The following STX3 variants were observed in gnomAD, a reference collection of about 807,000 sequenced individuals.
STX3 encodes the protein syntaxin-3.
Under a neutral mutation model 40.2 loss-of-function variants are expected in STX3, and 19 were observed. The observed-to-expected ratio is 0.47, with a 90% CI of 0.33 to 0.69. STX3 has a LOEUF of 0.69. Ranked by LOEUF, STX3 falls within the 30% of genes least tolerant of loss-of-function variation. STX3 has a pLI of 0.02. For missense variants in STX3, 364 were observed against 366.7 expected (o/e 0.99, Z 0.06); for synonymous variants, 122 against 132.2 (o/e 0.92, Z 0.53).
At chr11:59,756,152 C>G (rs944168691) in intron 1 of STX3, among the ~76,000 whole-genome samples, 1 of 151,892 alleles carries the variant, frequency 6.6e-6, no homozygotes, top group Non-Finnish European at 1.5e-5. Context: ...TTGTTATCCC[C>G]GGGTGTCATT....
chr11:59,793,384 T>C lies in STX3; in HGVS notation c.545T>C (p.Ile182Thr). 1 of 1,613,718 alleles carries C rather than the reference T, an allele frequency of 6.2e-7. No individual in the cohort carries two copies. The highest frequency in any genetic ancestry group is 1.1e-5 in the South Asian group (1 of 91,020). ...GNPAIFTSGIIDSQISKQALS... is the reference protein window; with the variant it reads ...GNPAIFTSGITDSQISKQALS... The stretch of plus-strand genomic sequence containing the variant: ...TCTGTGTGTGGCCTGTTGTAGATCA[T>C]TGACTCACAGATTTCCAAGCAAGCC... The change falls in exon 8 of 11, where the codon ATT becomes ACT. Residue 182 changes from isoleucine (I) to threonine (T), a missense_variant. Physicochemically the swap from Ile to Thr is moderately conservative, Grantham distance 89. Transcript: ENST00000337979.
Position 59,787,094 on chromosome 11 carries a change from A to G in STX3, c.172A>G (p.Lys58Glu), listed in dbSNP as rs1016318095. Residue 58 changes from lysine (K) to glutamate (E), a missense_variant, in exon 3 of 11, where the codon AAA (lysine) becomes GAA (glutamate). Transcript: ENST00000337979. The part of the protein sequence containing the change: ...KISEHVEEAK[K>E]LYSIILSAPI... Reference sequence around the variant, plus strand: ...CTCAGAACATGTAGAGGAGGCTAAGAAACTCTACAGTATCATTCTCTCTGC... The same window carrying G: ...CTCAGAACATGTAGAGGAGGCTAAGGAACTCTACAGTATCATTCTCTCTGC... 1.2e-6 allele frequency: 2 copies of G among 1,614,214 alleles called. No homozygotes were observed. Among genetic ancestry groups the G allele is most frequent in the Non-Finnish European group, 1.7e-6 (2 of 1,180,036 alleles).
At chr11:59,756,164 T>TC (rs991749334) in intron 1 of STX3, among the ~76,000 whole-genome samples, 2 of 148,528 alleles carry the variant, frequency 1.3e-5, no homozygotes, top group Non-Finnish European at 3.0e-5. Context: ...GGTGTCATTG[T>TC]CCCCCCCTCC....
intron 1 of STX3, among the ~76,000 whole-genome samples, chr11:59,771,195 C>T (rs1300183795): frequency 2.4e-5 from 3 of 125,566 alleles, no homozygotes; most frequent in Admixed American, 8.0e-5. Context: ...GAAGCTGAGG[C>T]GGGTGGATTA....
chr11:59,781,501 C>G (rs1864380251), intron 2 of STX3: 6 of 1,613,894 alleles, frequency 3.7e-6, no homozygotes, highest in Middle Eastern at 1.7e-4. Context: ...GTGGTTTCTT[C>G]AAACTTCTCT....
At chr11:59,791,720 C>T (rs922717781) in intron 5 of STX3, among the ~76,000 whole-genome samples, 1 of 152,198 alleles carries the variant, frequency 6.6e-6, no homozygotes, top group South Asian at 2.1e-4. Flanking sequence ...ATGAGTTTAG[C>T]GTAAGAACTC....
Position 59,803,176 on chromosome 11 carries a change from A to G in STX3, c.*2352A>G, listed in dbSNP as rs1865961694. ...TCCCTGCAGAATACTTTTTGCGATG[A>G]TGTTTCTCATGTATTCTTTCTTTCC... On this transcript the variant is annotated 3_prime_UTR_variant, in exon 11 of 11. Coordinates refer to ENST00000337979, the MANE Select transcript of STX3 (RefSeq NM_004177.5). 3 of 1,231,542 alleles carry G rather than the reference A, an allele frequency of 2.4e-6. No individual in the cohort carries two copies. Among genetic ancestry groups the G allele is most frequent in the Non-Finnish European group, 3.0e-6 (3 of 987,890 alleles). 76.3% of individuals were successfully genotyped at this position (1,231,542 alleles called of 1,614,324 possible).
chr11:59,800,308 CT>C, intron 10 of STX3: 1 of 985,392 alleles, frequency 1.0e-6, no homozygotes. Context: ...GTGCCAGCTG[CT>C]TGCTCTAAGA....
intron 1 of STX3, among the ~76,000 whole-genome samples, chr11:59,757,347 C>T (rs1276302499): frequency 2.6e-5 from 4 of 152,184 alleles, no homozygotes; most frequent in Non-Finnish European, 5.9e-5. Flanking sequence ...AAGTACAAAA[C>T]TGAACAGCAG....
chr11:59,760,830 C>T (rs573156731), intron 1 of STX3, among the ~76,000 whole-genome samples: 32 of 152,246 alleles, frequency 2.1e-4, no homozygotes, highest in Middle Eastern at 3.4e-3. Context: ...TCTTCGTATC[C>T]CCTTACACTG....
intron 1 of STX3, among the ~76,000 whole-genome samples, chr11:59,763,091 T>C (rs747083676): frequency 1.3e-5 from 2 of 152,218 alleles, no homozygotes; most frequent in Non-Finnish European, 2.9e-5. Flanking sequence ...GACTGTTGCT[T>C]GGCAGATGTT....
At chr11:59,761,462 A>G (rs905091779) in intron 1 of STX3, among the ~76,000 whole-genome samples, 1 of 152,212 alleles carries the variant, frequency 6.6e-6, no homozygotes, top group African/African-American at 2.4e-5. Context: ...CACAGACCAC[A>G]TATGTCTCAT....
intron 1 of STX3, among the ~76,000 whole-genome samples, chr11:59,767,965 C>CTTTAGATA (rs904651960): frequency 2.0e-5 from 3 of 152,130 alleles, no homozygotes; most frequent in Admixed American, 6.5e-5. Context: ...ATACTCATAT[C>CTTTAGATA]CAGGTCAAAG....
At chr11:59,776,553 C>T (rs555500376) in intron 2 of STX3, among the ~76,000 whole-genome samples, 4 of 152,324 alleles carry the variant, frequency 2.6e-5, no homozygotes, top group Non-Finnish European at 4.4e-5. Flanking sequence ...GCCCACTACA[C>T]CCTGCAGGTT....
chr11:59,781,783 CAAATT>C (rs1424086856), intron 2 of STX3: 14 of 1,499,796 alleles, frequency 9.3e-6, no homozygotes, highest in Admixed American at 2.0e-5. Context: ...AAGAAGCAAA[CAAATT>C]AAAGAGGACT....
At chr11:59,774,894 C>T (rs1454686974) in intron 2 of STX3, among the ~76,000 whole-genome samples, 1 of 152,152 alleles carries the variant, frequency 6.6e-6, no homozygotes, top group Non-Finnish European at 1.5e-5. Flanking sequence ...TAGCATCTGG[C>T]ATATATGTGC....
intron 2 of STX3, among the ~76,000 whole-genome samples, chr11:59,777,116 AT>A (rs1212019883): frequency 6.6e-6 from 1 of 152,196 alleles, no homozygotes; most frequent in Non-Finnish European, 1.5e-5. Context: ...GGTGATAGAA[AT>A]TTTTAAAATG....
rs1347757302 is a variant in STX3 at position 59,773,280 on chromosome 11, G to A, written c.100G>A (p.Glu34Lys). ...TATCGACAACACGGCTTTTATGGAC[G>A]AGTTCTTTTCTGAGGTAGGCAACCT... Reference protein sequence around the residue: ...IAIDNTAFMDEFFSEIEETRL... With the variant: ...IAIDNTAFMDKFFSEIEETRL... The change falls in exon 2 of 11, where the codon GAG becomes AAG. Residue 34 changes from glutamate to lysine, a missense_variant. Transcript: ENST00000337979. The A allele has an allele frequency of 3.7e-6, 6 of 1,613,988 alleles. No homozygotes were observed. The East Asian group carries it at 6.7e-5, about 18-fold the overall frequency.
chr11:59,790,178 G>A (rs1865036810), intron 4 of STX3, among the ~76,000 whole-genome samples: 1 of 152,320 alleles, frequency 6.6e-6, no homozygotes, highest in African/African-American at 2.4e-5. Flanking sequence ...TTGTGAGGGA[G>A]GGACTGTTAT....
Sources: gnomAD v4.1 joint callset for allele counts (sites outside exome capture counted in the v4.1 genomes callset) on GRCh38, gnomAD v4.1.1 for gene constraint, MANE v1.5 for transcripts, NCBI Gene and HGNC (gene_info 2026-07-23, HGNC 2026-07-21) for gene names.